Variants in PTCD3 observed in about 807,000 individuals in gnomAD.
The protein encoded by PTCD3 is small ribosomal subunit protein mS39.
A neutral mutation model predicts 101.9 loss-of-function variants in PTCD3; 89 were observed. The ratio of observed to expected loss-of-function variants is 0.87; its 90% CI spans 0.74 to 1.04. The LOEUF is 1.04. PTCD3 is among the 50% of genes least tolerant of loss of function. PTCD3 has a pLI of 0.00. For missense variants in PTCD3, 870 were observed against 828.2 expected (o/e 1.05, Z -0.62); for synonymous variants, 296 against 278.5 (o/e 1.06, Z -0.63).
rs752785584 is a variant in PTCD3, at chr2:86,106,350, A to C, written c.103A>C (p.Arg35=). The part of the protein sequence containing the change: ...AGLCEQARSC[R]FYSGSATLSK... ...TTTGTGTGAACAGGCACGCAGCTGCAGGTAAGAGACGCTTAGGGTATCCGC... is the reference window on the plus strand; with the variant it reads ...TTTGTGTGAACAGGCACGCAGCTGCCGGTAAGAGACGCTTAGGGTATCCGC... The change falls in exon 1 of 24, where the codon AGA becomes CGA. Residue 35 remains arginine (R), a splice_region_variant and synonymous_variant. Coordinates refer to ENST00000254630, the MANE Select transcript of PTCD3 (RefSeq NM_017952.6). The C allele has an allele frequency of 3.1e-6, 5 of 1,613,790 alleles. No individual in the cohort carries two copies. Among genetic ancestry groups the C allele is most frequent in the Admixed American group, 3.3e-5 (2 of 60,006 alleles).
intron 19 of PTCD3, 101 bp downstream of exon 19, chr2:86,133,537 T>TTTG: frequency 8.6e-7 from 1 of 1,168,654 alleles, no homozygotes; most frequent in South Asian, 1.4e-5. Flanking sequence ...AAACTTCCAT[T>TTTG]TTGACTGAAC....
chr2:86,112,351 C>T (rs115235811), intron 4 of PTCD3, among the ~76,000 whole-genome samples: 8,533 of 141,716 alleles, frequency 0.06, 411 homozygotes, highest in East Asian at 0.25. Context: ...CCACAGTGCC[C>T]GGCCTTTTTT....
At chr2:86,125,709 C>A in intron 11 of PTCD3, 86 bp from the exon 12 acceptor site, 1 of 1,088,378 alleles carries the variant, frequency 9.2e-7, no homozygotes, top group Non-Finnish European at 1.4e-6. Context: ...AGTCAAGGGA[C>A]ACATAGGAAT....
At chr2:86,122,486 A>G (rs928173403) in intron 8 of PTCD3, among the ~76,000 whole-genome samples, 4 of 150,038 alleles carry the variant, frequency 2.7e-5, no homozygotes, top group Admixed American at 6.8e-5. Context: ...ATCATAGCTT[A>G]CTGCAGCCTT....
chr2:86,135,858 A>G (rs1206759879), intron 21 of PTCD3: 2 of 508,916 alleles, frequency 3.9e-6, no homozygotes, highest in African/African-American at 3.9e-5. Flanking sequence ...TTTGGCACAC[A>G]CTTGATACAA....
At chr2:86,111,243 C>A in intron 4 of PTCD3, 85 bp downstream of exon 4, 1 of 1,124,148 alleles carries the variant, frequency 8.9e-7, no homozygotes, top group Non-Finnish European at 1.3e-6. Context: ...ATTTAATACT[C>A]ATACCTCGTC....
At chr2:86,116,702 T>G in intron 5 of PTCD3, 104 bp downstream of exon 5, 1 of 840,522 alleles carries the variant, frequency 1.2e-6, no homozygotes, top group Non-Finnish European at 2.0e-6. Context: ...TTACAAATGC[T>G]GAGAAATTGA....
chr2:86,126,829 CTT>C (rs776549695), intron 12 of PTCD3, among the ~76,000 whole-genome samples: 276 of 148,058 alleles, frequency 1.9e-3, no homozygotes, highest in Non-Finnish European at 2.8e-3. Flanking sequence ...AAGAGCGAAA[CTT>C]TGTCTCAAAA....
At position 86,123,719 on chromosome 2, in the gene PTCD3, A is replaced by C; in HGVS notation, c.673A>C (p.Thr225Pro). The C allele has an allele frequency of 3.8e-6, 6 of 1,595,458 alleles. No individual in the cohort carries two copies. Among genetic ancestry groups the C allele is most frequent in the Non-Finnish European group, 5.1e-6 (6 of 1,173,460 alleles). ...ATTTCAGGAAGAGGAAAATGATGAG[A>C]CATCTAGGAGGAAAGCTGGTCATCA... The part of the protein sequence containing the change: ...SEALEEENDE[T>P]SRRKAGHQFG... Residue 225 changes from threonine to proline, a missense_variant, in exon 9 of 24, where the codon ACA becomes CCA. By Grantham distance (38) the Thr-to-Pro change is conservative (BLOSUM62 -1). Transcript: ENST00000254630.
intron 11 of PTCD3, 45 bp from the exon 12 acceptor site, chr2:86,125,750 G>A (rs373348858): frequency 2.1e-6 from 3 of 1,419,588 alleles, no homozygotes; most frequent in Non-Finnish European, 3.0e-6. Flanking sequence ...AGCCATTTAG[G>A]GATTAATCTT....
chr2:86,111,809 ATC>A (rs1318550488), intron 4 of PTCD3: 3 of 152,512 alleles, frequency 2.0e-5, no homozygotes, highest in Non-Finnish European at 4.4e-5. Context: ...CAATGGCGCG[ATC>A]TCGGCTCACC....
At chr2:86,125,636 G>A in intron 11 of PTCD3, 121 bp downstream of exon 11, 1 of 1,168,054 alleles carries the variant, frequency 8.6e-7, no homozygotes, top group Middle Eastern at 2.0e-4. Flanking sequence ...AGGCGTAGAT[G>A]ATTGAAGCAA....
At chr2:86,119,876 G>C (rs1375416902) in intron 7 of PTCD3, among the ~76,000 whole-genome samples, 1 of 152,198 alleles carries the variant, frequency 6.6e-6, no homozygotes, top group Admixed American at 6.5e-5. Context: ...AACTTGCGGA[G>C]CTACACACGT....
chr2:86,111,545 G>A (rs575793437), intron 4 of PTCD3, among the ~76,000 whole-genome samples: 77 of 151,642 alleles, frequency 5.1e-4, no homozygotes, highest in African/African-American at 1.7e-3. Flanking sequence ...GAGAGATCGC[G>A]CCACTGCACT....
chr2:86,111,374 G>A (rs530264692), intron 4 of PTCD3, among the ~76,000 whole-genome samples: 84 of 152,194 alleles, frequency 5.5e-4, no homozygotes, highest in African/African-American at 2.0e-3. Context: ...GGATCACAAG[G>A]TCAGGAGATC....
At position 86,132,245 on chromosome 2, in the gene PTCD3, A is replaced by T. The variant is rs1175723857; in HGVS notation, c.1267-73A>T. 3 of 864,614 alleles carry T rather than the reference A, an allele frequency of 3.5e-6. No individual in the cohort carries two copies. The Admixed American group carries it at 6.8e-5, about 20-fold the overall frequency. 53.6% of individuals were successfully genotyped at this position (864,614 alleles called of 1,614,324 possible). On this transcript the variant is annotated intron_variant, in intron 16 of 23. Transcript: ENST00000254630. Reference sequence around the variant, plus strand: ...CAACATTATTTTCACAAGACACTCTACTGTTGTTATTTATTTGTGAACCAC... The same window carrying T: ...CAACATTATTTTCACAAGACACTCTTCTGTTGTTATTTATTTGTGAACCAC...
At chr2:86,130,065 G>A (rs1460223576) in intron 14 of PTCD3, among the ~76,000 whole-genome samples, 3 of 152,182 alleles carry the variant, frequency 2.0e-5, no homozygotes, top group African/African-American at 7.2e-5. Flanking sequence ...ACTTTGGGAG[G>A]CCGAGGCGGG....
At chr2:86,125,117 C>T (rs1162956200) in intron 10 of PTCD3, 35 bp downstream of exon 10, 12 of 1,609,484 alleles carry the variant, frequency 7.5e-6, no homozygotes, top group Non-Finnish European at 9.3e-6. Context: ...TCTTTCATTT[C>T]CACCGATCAG....
Position 86,106,320 on chromosome 2 carries a change from G to T in PTCD3, c.73G>T (p.Ala25Ser). 6.2e-7 allele frequency: 1 copy of T among 1,614,102 alleles called. No homozygotes were observed. The highest frequency in any genetic ancestry group is 1.1e-5 in the South Asian group (1 of 91,054). The change falls in exon 1 of 24, where the codon GCG (alanine) becomes TCG (serine). Residue 25 changes from alanine to serine, a missense_variant. Coordinates refer to ENST00000254630, the MANE Select transcript of PTCD3 (RefSeq NM_017952.6). ...RLGQPLTGRR[A>S]GLCEQARSCR... ...TGGCCAGCCGCTGACGGGTCGGCGG[G>T]CGGGTTTGTGTGAACAGGCACGCAG...
Sources: gnomAD v4.1 joint callset for allele counts (sites outside exome capture counted in the v4.1 genomes callset) on GRCh38, gnomAD v4.1.1 for gene constraint, MANE v1.5 for transcripts, NCBI Gene and HGNC (gene_info 2026-07-23, HGNC 2026-07-21) for gene names.